The following CEP63 variants were observed in gnomAD, a reference collection of about 807,000 sequenced individuals.
CEP63 encodes the protein centrosomal protein 63.
A neutral mutation model predicts 89.1 loss-of-function variants in CEP63; 84 were observed. That is an observed-to-expected ratio of 0.94 (90% confidence interval 0.79 to 1.13). The LOEUF is 1.13. CEP63 is among the 50% of genes most tolerant of loss of function. The probability of loss-of-function intolerance (pLI) is 0.00; values close to 1 mark genes in which losing one functional copy is unlikely to be tolerated. For missense variants in CEP63, 838 were observed against 813.3 expected (o/e 1.03, Z -0.37); for synonymous variants, 267 against 272.5 (o/e 0.98, Z 0.20).
chr3:134,578,334 T>TTTGTTG (rs1553798182), downstream of CEP63, among the ~76,000 whole-genome samples: 1 of 23,992 alleles, frequency 4.2e-5, no homozygotes, highest in African/African-American at 9.6e-5. Context: ...TTTTTTTTTT[T>TTTGTTG]TTTTTTTTTT....
At chr3:134,590,013 A>G (rs543452372), downstream of CEP63, among the ~76,000 whole-genome samples, 4 of 152,304 alleles carry the variant, frequency 2.6e-5, no homozygotes, top group South Asian at 4.1e-4. Context: ...ACCAAATATC[A>G]CATGTTATCA....
chr3:134,578,334 T>TGTTTG (rs528800726), downstream of CEP63, among the ~76,000 whole-genome samples: 46 of 24,018 alleles, frequency 1.9e-3, no homozygotes, highest in African/African-American at 3.6e-3. Flanking sequence ...TTTTTTTTTT[T>TGTTTG]TTTTTTTTTT....
chr3:134,523,776 G>C (rs927253466), intron 3 of CEP63, among the ~76,000 whole-genome samples: 1 of 152,134 alleles, frequency 6.6e-6, no homozygotes, highest in Non-Finnish European at 1.5e-5. Flanking sequence ...GTGCCATACT[G>C]TTTTGGTTAC....
upstream of CEP63, chr3:134,485,903 G>C: frequency 1.3e-6 from 1 of 781,978 alleles, no homozygotes; most frequent in Non-Finnish European, 1.6e-6. Context: ...AGCAACGAAC[G>C]CATTCCCGCG....
intron 2 of CEP63, among the ~76,000 whole-genome samples, chr3:134,504,436 A>C (rs1456194415): frequency 1.3e-5 from 2 of 152,170 alleles, no homozygotes; most frequent in Non-Finnish European, 2.9e-5. Context: ...CCTGGTCTGT[A>C]AGGTTTCTGC....
At chr3:134,486,462 T>TGGCGTGGCGCAGCCC in intron 1 of CEP63, 1 of 985,574 alleles carries the variant, frequency 1.0e-6, no homozygotes, top group Non-Finnish European at 1.2e-6. Context: ...TGGCGGAGTC[T>TGGCGTGGCGCAGCCC]GGCGTGGCGC....
chr3:134,549,965 G>A, intron 10 of CEP63, 98 bp from the exon 11 acceptor site: 1 of 878,898 alleles, frequency 1.1e-6, no homozygotes, highest in Non-Finnish European at 1.8e-6. Context: ...TTAATGTCTT[G>A]AGATAAGGTG....
At chr3:134,648,670 C>G in the CEP63 span, among the ~76,000 whole-genome samples, 4 of 152,284 alleles carry the variant, frequency 2.6e-5, 1 homozygote, top group African/African-American at 9.6e-5. Flanking sequence ...AGTGACCTAG[C>G]CTGTCCACAC....
the CEP63 span, among the ~76,000 whole-genome samples, chr3:134,695,676 TG>T: frequency 6.6e-6 from 1 of 152,218 alleles, no homozygotes; most frequent in Non-Finnish European, 1.5e-5. Flanking sequence ...GCGTAATGGC[TG>T]GTGCACATGC....
chr3:134,604,491 A>C, the CEP63 span: 1 of 1,589,650 alleles, frequency 6.3e-7, no homozygotes, highest in Non-Finnish European at 8.6e-7. Context: ...AGAGAAAGTC[A>C]GGGTCAGCAG....
At chr3:134,550,893 G>C (rs1267105336) in intron 11 of CEP63, among the ~76,000 whole-genome samples, 6 of 152,194 alleles carry the variant, frequency 3.9e-5, no homozygotes, top group Non-Finnish European at 7.3e-5. Flanking sequence ...GGGAGGCAGA[G>C]GGAAATGGAT....
the CEP63 span, among the ~76,000 whole-genome samples, chr3:134,732,718 A>G: frequency 6.6e-6 from 1 of 152,186 alleles, no homozygotes; most frequent in Admixed American, 6.5e-5. Context: ...AAAACAAAGC[A>G]TAGGAGCAAA....
At chr3:134,782,295 G>A in the CEP63 span, among the ~76,000 whole-genome samples, 9,951 of 152,152 alleles carry the variant, frequency 0.065, 390 homozygotes, top group African/African-American at 0.11. Flanking sequence ...TAACAAAACC[G>A]TTTAGACTTA....
chr3:134,612,374 G>A, the CEP63 span, among the ~76,000 whole-genome samples: 1 of 152,204 alleles, frequency 6.6e-6, no homozygotes, highest in Non-Finnish European at 1.5e-5. Context: ...GGAAGGAAGG[G>A]GAGAAGGGGC....
At chr3:134,534,667 T>C (rs1950445156) in intron 5 of CEP63, among the ~76,000 whole-genome samples, 1 of 152,202 alleles carries the variant, frequency 6.6e-6, no homozygotes, top group African/African-American at 2.4e-5. Flanking sequence ...GCCCACTCTC[T>C]ACCTGTCATG....
At chr3:134,492,167 G>A (rs1157536961) in intron 1 of CEP63, among the ~76,000 whole-genome samples, 5 of 141,256 alleles carry the variant, frequency 3.5e-5, no homozygotes, top group African/African-American at 5.2e-5. Context: ...TCCGCCTCCC[G>A]GGTTCACGCC....
chr3:134,620,329 G>A, the CEP63 span, among the ~76,000 whole-genome samples: 112 of 152,316 alleles, frequency 7.4e-4, 1 homozygote, highest in South Asian at 0.022. Flanking sequence ...CCTGGCCCTG[G>A]TATTTAATGA....
Position 134,558,350 on chromosome 3 carries a change from A to C in CEP63, c.1673+3A>C, listed in dbSNP as rs559664441. On this transcript the variant is annotated splice_donor_region_variant and intron_variant, in intron 13 of 14. Coordinates refer to ENST00000675561, the MANE Select transcript of CEP63 (RefSeq NM_001353108.3). ...GAGTTCAAGAATACAGAGTTCAAGT[A>C]AAATTTTTTAAAAGTTTATTTAAAA... is the stretch of plus-strand genomic sequence containing the variant. 37 of 1,574,096 alleles carry C rather than the reference A, an allele frequency of 2.4e-5. No individual in the cohort carries two copies. The East Asian group carries it at 8.1e-4, about 34-fold the overall frequency.
At chr3:134,542,812 C>T (rs7427492) in intron 6 of CEP63, among the ~76,000 whole-genome samples, 101,022 of 151,842 alleles carry the variant, frequency 0.67, 34,007 homozygotes, top group East Asian at 0.82. Context: ...TTGATTGCTT[C>T]TTTACTTTTA....
Sources: allele counts gnomAD v4.1 joint callset (sites outside exome capture counted in the v4.1 genomes callset), GRCh38; gene constraint gnomAD v4.1.1; transcripts MANE v1.5; gene names NCBI Gene and HGNC (gene_info 2026-07-23, HGNC 2026-07-21).